The following FANCL variants were observed in gnomAD, a reference collection of about 807,000 sequenced individuals.
The protein encoded by FANCL is FA complementation group L.
In FANCL, 69 loss-of-function variants were observed where a neutral mutation model predicts 59.4. That is an observed-to-expected ratio of 1.16 (90% CI 0.96 to 1.42). The LOEUF is 1.42. Among genes scored for constraint, FANCL ranks in the 40% most tolerant of loss-of-function variants. The pLI, the probability that FANCL is intolerant of heterozygous loss-of-function variation, is 0.00. For synonymous variants in FANCL, 180 were observed against 147.1 expected (o/e 1.22, Z -1.62); for missense variants, 519 against 447.2 (o/e 1.16, Z -1.45).
At chr2:58,172,048 G>C (rs917034238) in intron 7 of FANCL, among the ~76,000 whole-genome samples, 8 of 152,242 alleles carry the variant, frequency 5.3e-5, no homozygotes, top group African/African-American at 1.9e-4. Context: ...GGCTGGGGGA[G>C]GGGCGCCCGC....
chr2:58,179,133 A>G (rs556670613), intron 7 of FANCL, among the ~76,000 whole-genome samples: 54 of 152,350 alleles, frequency 3.5e-4, no homozygotes, highest in African/African-American at 1.1e-3. Flanking sequence ...GGAAGAATCA[A>G]TATCGTGAAA....
rs1171948548 is a variant in FANCL at position 58,226,733 on chromosome 2, G to C, written c.268C>G (p.Leu90Val). ...GAAAAAAAAAAAATTCTTACCAAAA[G>C]CATCTTCAACTCCATCATAAAGCTC... ...LMSFMMELKM[L>V]LEVALKNRQE... The change falls in exon 4 of 14, where the codon CTT (leucine) becomes GTT (valine). Residue 90 changes from leucine to valine, a missense_variant. Leu to Val is a conservative substitution (Grantham distance 32). Transcript: ENST00000233741. The C allele has an allele frequency of 2.5e-6, 4 of 1,611,136 alleles. No individual in the cohort carries two copies. Among genetic ancestry groups the C allele is most frequent in the Non-Finnish European group, 1.7e-6 (2 of 1,178,504 alleles).
At chr2:58,196,958 T>C (rs576606947) in intron 7 of FANCL, among the ~76,000 whole-genome samples, 1 of 151,890 alleles carries the variant, frequency 6.6e-6, no homozygotes, top group South Asian at 2.1e-4. Flanking sequence ...AAAAGGGACA[T>C]GGGTCTCATG....
intron 7 of FANCL, among the ~76,000 whole-genome samples, chr2:58,167,258 A>G (rs1195604262): frequency 1.3e-5 from 2 of 152,230 alleles, no homozygotes; most frequent in Non-Finnish European, 2.9e-5. Flanking sequence ...TAATACCCGA[A>G]AAATAACCTT....
chr2:58,194,471 A>G (rs1689241687), intron 7 of FANCL, among the ~76,000 whole-genome samples: 1 of 152,212 alleles, frequency 6.6e-6, no homozygotes, highest in Non-Finnish European at 1.5e-5. Context: ...CTCATCGTCT[A>G]TGCTAAAATC....
chr2:58,208,684 C>T (rs1158820153), intron 5 of FANCL, among the ~76,000 whole-genome samples: 1 of 152,156 alleles, frequency 6.6e-6, no homozygotes, highest in Non-Finnish European at 1.5e-5. Context: ...TCCAAGTTTC[C>T]ACTTTTATTG....
At chr2:58,206,913 G>A (rs115615079) in intron 5 of FANCL, among the ~76,000 whole-genome samples, 1 of 152,166 alleles carries the variant, frequency 6.6e-6, no homozygotes, top group African/African-American at 2.4e-5. Flanking sequence ...ATTATTAATA[G>A]GTTGAGTATA....
intron 6 of FANCL, among the ~76,000 whole-genome samples, chr2:58,203,867 A>T (rs1206396344): frequency 6.6e-6 from 1 of 152,010 alleles, no homozygotes; most frequent in African/African-American, 2.4e-5. Context: ...ACACCATGGT[A>T]CTCTGAGTCT....
chr2:58,237,685 A>C (rs994428518), intron 1 of FANCL, among the ~76,000 whole-genome samples: 3 of 152,196 alleles, frequency 2.0e-5, no homozygotes, highest in Non-Finnish European at 4.4e-5. Flanking sequence ...GGAAAAAATG[A>C]GACATAAATT....
At chr2:58,176,596 G>A (rs1258682147) in intron 7 of FANCL, among the ~76,000 whole-genome samples, 1 of 152,146 alleles carries the variant, frequency 6.6e-6, no homozygotes, top group Non-Finnish European at 1.5e-5. Context: ...GCTGAAACCG[G>A]ATCCCTTCCT....
rs117808081 is a variant in FANCL at position 58,179,205 on chromosome 2, C to T, written c.541-13331G>A. Among the ~76,000 whole-genome samples the T allele has an allele frequency of 5.8e-4, 88 of 152,244 alleles. 1 individual carries two copies. The East Asian group carries it at 0.016, about 28-fold the overall frequency. On this transcript the variant is annotated intron_variant, in intron 7 of 13. Transcript: ENST00000233741. Reference sequence around the variant, plus strand: ...GCTATCCCCATCAATCTACCACTGGCTTTCTTAACAGAATTAGAAAAAAAC... The same window carrying T: ...GCTATCCCCATCAATCTACCACTGGTTTTCTTAACAGAATTAGAAAAAAAC...
chr2:58,241,024 T>A (rs1412354226), intron 1 of FANCL, among the ~76,000 whole-genome samples, 194 bp downstream of exon 1: 1 of 151,886 alleles, frequency 6.6e-6, no homozygotes, highest in East Asian at 1.9e-4. Flanking sequence ...TCGCTCCCCA[T>A]CCAGCGCGGC....
At chr2:58,180,305 G>A (rs1175620800) in intron 7 of FANCL, among the ~76,000 whole-genome samples, 1 of 152,052 alleles carries the variant, frequency 6.6e-6, no homozygotes, top group Non-Finnish European at 1.5e-5. Flanking sequence ...CAATAGCAAA[G>A]ACTTGAAACC....
intron 8 of FANCL, among the ~76,000 whole-genome samples, chr2:58,164,589 G>A (rs1685687671): frequency 6.6e-6 from 1 of 151,598 alleles, no homozygotes; most frequent in South Asian, 2.1e-4. Flanking sequence ...ATGCCTGGAG[G>A]AGAAAAAAGA....
rs1327941273 is a variant in FANCL at position 58,217,243 on chromosome 2, C to T, written c.374+4699G>A. On this transcript the variant is annotated intron_variant, in intron 5 of 13. Coordinates refer to ENST00000233741, the MANE Select transcript of FANCL (RefSeq NM_018062.4). ...ACACACACACACACACACACACACA[C>T]ATATATATGTTTGGCTAAAACAAGA... Among the ~76,000 whole-genome samples, 31 of 78,544 alleles carry T rather than the reference C, an allele frequency of 3.9e-4. 1 individual carries two copies. Among genetic ancestry groups the T allele is most frequent in the Admixed American group, 6.5e-4 (4 of 6,194 alleles). 51.5% of individuals were successfully genotyped at this position (78,544 alleles called of 152,430 possible).
intron 7 of FANCL, among the ~76,000 whole-genome samples, chr2:58,192,700 G>A (rs1015653288): frequency 1.1e-4 from 16 of 151,854 alleles, no homozygotes; most frequent in South Asian, 6.2e-4. Context: ...CATTATCTAC[G>A]GTGGAATTTA....
At chr2:58,225,047 A>C (rs891510212) in intron 4 of FANCL, among the ~76,000 whole-genome samples, 28 of 151,872 alleles carry the variant, frequency 1.8e-4, no homozygotes, top group Non-Finnish European at 1.8e-4. Flanking sequence ...AAAATGAATA[A>C]ATGAACCTGG....
chr2:58,204,952 G>A (rs894939656), intron 5 of FANCL, among the ~76,000 whole-genome samples: 10 of 151,912 alleles, frequency 6.6e-5, no homozygotes, highest in Admixed American at 2.0e-4. Context: ...GTAAAAATAC[G>A]GTCCCTTGAG....
intron 4 of FANCL, among the ~76,000 whole-genome samples, chr2:58,223,519 T>C (rs932935340): frequency 6.6e-6 from 1 of 152,000 alleles, no homozygotes; most frequent in African/African-American, 2.4e-5. Context: ...ACACTCTACC[T>C]TCTATTCTGA....
Sources: gnomAD v4.1 joint callset for allele counts (sites outside exome capture counted in the v4.1 genomes callset) on GRCh38, gnomAD v4.1.1 for gene constraint, MANE v1.5 for transcripts, NCBI Gene and HGNC (gene_info 2026-07-23, HGNC 2026-07-21) for gene names.